Variants in PLCZ1 observed in about 807,000 individuals in gnomAD.
PLCZ1 encodes the protein 1-phosphatidylinositol 4,5-bisphosphate phosphodiesterase zeta-1.
Under a neutral mutation model 76.8 loss-of-function variants are expected in PLCZ1, and 64 were observed. The ratio of observed to expected loss-of-function variants is 0.83; its 90% CI spans 0.68 to 1.03. The LOEUF (loss-of-function observed/expected upper bound fraction) is 1.03, where lower values mean the gene tolerates loss of function less well. Among genes scored for constraint, PLCZ1 ranks in the 50% least tolerant of loss-of-function variants. PLCZ1 has a pLI of 0.00. For missense variants in PLCZ1, 751 were observed against 713.7 expected (o/e 1.05, Z -0.60); for synonymous variants, 248 against 230.8 (o/e 1.07, Z -0.68).
chr12:18,665,914 G>A, the PLCZ1 span, among the ~76,000 whole-genome samples: 2 of 145,018 alleles, frequency 1.4e-5, no homozygotes. Context: ...CAGCCTGGGT[G>A]ACAGAGATAG....
chr12:18,693,872 C>T, intron 12 of PLCZ1: 1 of 1,532,632 alleles, frequency 6.5e-7, no homozygotes, highest in Non-Finnish European at 9.0e-7. Context: ...GCCCATCTTT[C>T]AGATTCACAC....
the PLCZ1 span, among the ~76,000 whole-genome samples, chr12:18,647,327 G>A: frequency 2.0e-5 from 3 of 151,454 alleles, no homozygotes; most frequent in East Asian, 1.9e-4. Context: ...ACCAAGGGTA[G>A]AAAAACTACC....
chr12:18,724,397 C>T (rs1958627223), intron 3 of PLCZ1, among the ~76,000 whole-genome samples: 1 of 151,982 alleles, frequency 6.6e-6, no homozygotes, highest in Admixed American at 6.6e-5. Flanking sequence ...TATAGTATCA[C>T]TAACAAATAA....
At chr12:18,727,161 T>A (rs962897102) in intron 3 of PLCZ1, among the ~76,000 whole-genome samples, 1 of 151,530 alleles carries the variant, frequency 6.6e-6, no homozygotes, top group Non-Finnish European at 1.5e-5. Flanking sequence ...CTGGGCAACA[T>A]AGTGAGACCC....
chr12:18,737,545 T>C lies in PLCZ1; in HGVS notation c.-138-36A>G. 3 of 885,592 alleles carry C rather than the reference T, an allele frequency of 3.4e-6. No homozygotes were observed. In the South Asian group the frequency reaches 4.2e-5, roughly 13 times the overall value. The allele number at this position is 885,592 out of a possible 1,614,324, so 54.9% of individuals were successfully genotyped here. On this transcript the variant is annotated intron_variant, in intron 1 of 14. Transcript: ENST00000266505. ...AGCAGAGAACACACAGTGGTTTTTT[T>C]TGCCTTCGTTCTTTGAAGCTAGCTC...
chr12:18,717,311 C>T (rs1365963727), intron 5 of PLCZ1, among the ~76,000 whole-genome samples: 1 of 151,898 alleles, frequency 6.6e-6, no homozygotes, highest in Non-Finnish European at 1.5e-5. Context: ...GCTGTCTTTA[C>T]AGAATTCTAA....
chr12:18,726,981 ATTG>A (rs1958787179), intron 3 of PLCZ1, among the ~76,000 whole-genome samples: 1 of 152,080 alleles, frequency 6.6e-6, no homozygotes, highest in Non-Finnish European at 1.5e-5. Context: ...AAAGTAACAT[ATTG>A]TCAGTGCCCT....
At chr12:18,736,527 G>A (rs1959278035) in intron 2 of PLCZ1, among the ~76,000 whole-genome samples, 183 bp from the exon 3 acceptor site, 1 of 151,862 alleles carries the variant, frequency 6.6e-6, no homozygotes, top group African/African-American at 2.4e-5. Flanking sequence ...CTATGCTATG[G>A]TAAAGGTATG....
chr12:18,691,775 G>A (rs1344255785), intron 12 of PLCZ1, among the ~76,000 whole-genome samples: 3 of 152,092 alleles, frequency 2.0e-5, no homozygotes, highest in African/African-American at 7.2e-5. Context: ...AGTGTTGTAG[G>A]CAATTGCTGC....
chr12:18,712,038 G>C (rs1288246517), intron 6 of PLCZ1, among the ~76,000 whole-genome samples: 2 of 151,954 alleles, frequency 1.3e-5, no homozygotes. Context: ...GTAATGTATT[G>C]ACATAGGAGA....
chr12:18,669,805 G>C, the PLCZ1 span, among the ~76,000 whole-genome samples: 1 of 152,054 alleles, frequency 6.6e-6, no homozygotes, highest in East Asian at 1.9e-4. Flanking sequence ...TTACAGGCGT[G>C]TGCCACCATG....
chr12:18,668,973 C>G, the PLCZ1 span, among the ~76,000 whole-genome samples: 4 of 152,136 alleles, frequency 2.6e-5, no homozygotes, highest in Admixed American at 1.3e-4. Context: ...AAGAGAGAAG[C>G]TCCAGGTGTG....
intron 7 of PLCZ1, among the ~76,000 whole-genome samples, chr12:18,702,789 C>G (rs1235013464): frequency 3.3e-5 from 5 of 149,988 alleles, no homozygotes; most frequent in Non-Finnish European, 5.9e-5. Flanking sequence ...CTTTTACACA[C>G]AAGGACTGAA....
At chr12:18,656,525 A>G in the PLCZ1 span, among the ~76,000 whole-genome samples, 1 of 152,148 alleles carries the variant, frequency 6.6e-6, no homozygotes, top group Non-Finnish European at 1.5e-5. Flanking sequence ...AGATCACACC[A>G]CTGGACTCCA....
chr12:18,663,440 T>C, the PLCZ1 span, among the ~76,000 whole-genome samples: 1 of 152,108 alleles, frequency 6.6e-6, no homozygotes, highest in East Asian at 1.9e-4. Context: ...AATGTAGAGA[T>C]TATTTAAACT....
At chr12:18,672,739 A>G in the PLCZ1 span, among the ~76,000 whole-genome samples, 1 of 152,158 alleles carries the variant, frequency 6.6e-6, no homozygotes, top group Non-Finnish European at 1.5e-5. Flanking sequence ...TGAGGAATAG[A>G]TGCCTTGAAC....
At chr12:18,685,187 C>T (rs1952918849) in intron 13 of PLCZ1, among the ~76,000 whole-genome samples, 1 of 152,036 alleles carries the variant, frequency 6.6e-6, no homozygotes, top group African/African-American at 2.4e-5. Flanking sequence ...AACTCTTGAT[C>T]CTTCTTTAGA....
chr12:18,664,197 T>C, the PLCZ1 span, among the ~76,000 whole-genome samples: 1 of 152,204 alleles, frequency 6.6e-6, no homozygotes, highest in Non-Finnish European at 1.5e-5. Context: ...GTATAGCCAC[T>C]GTGGGACACA....
chr12:18,695,029 TC>T lies in PLCZ1; in HGVS notation c.1341del (p.Lys448AsnfsTer12), dbSNP rs1299523818. On this transcript the variant is annotated frameshift_variant, in exon 12 of 15. Coordinates refer to ENST00000266505, the MANE Select transcript of PLCZ1 (RefSeq NM_033123.4). LOFTEE classifies it high-confidence loss of function. The stretch of plus-strand genomic sequence containing the variant: ...CCAGAACCACCATTATCCAAAAATT[TC>T]CCATTTTGCAGATCCATGGGCAGAC... ...TPGLPMDLQN[G>X]KFLDNGGSGY... 6.2e-7 allele frequency: 1 copy of T among 1,613,014 alleles called. No homozygotes were observed. The highest frequency in any genetic ancestry group is 2.2e-5 in the East Asian group (1 of 44,802).
Sources: gnomAD v4.1 joint callset for allele counts (sites outside exome capture counted in the v4.1 genomes callset) on GRCh38, gnomAD v4.1.1 for gene constraint, MANE v1.5 for transcripts, NCBI Gene and HGNC (gene_info 2026-07-23, HGNC 2026-07-21) for gene names.